Variants in PLA2G4C observed in about 807,000 individuals in gnomAD.
The protein encoded by PLA2G4C is cytosolic phospholipase A2 gamma.
A neutral mutation model predicts 73.8 loss-of-function variants in PLA2G4C; 64 were observed. The ratio of observed to expected loss-of-function variants is 0.87; its 90% CI spans 0.71 to 1.07. The LOEUF (loss-of-function observed/expected upper bound fraction) is 1.07, where lower values mean the gene tolerates loss of function less well. PLA2G4C is among the 50% of genes least tolerant of loss of function. The pLI is 0.00. For synonymous variants in PLA2G4C, 254 were observed against 252.1 expected (o/e 1.01, Z -0.07); for missense variants, 622 against 665.4 (o/e 0.93, Z 0.72).
In PLA2G4C at chr19:48,048,107, C is replaced by T. The variant is rs572255181; in HGVS notation, c.*236G>A. 2.5e-5 allele frequency: 13 copies of T among 521,374 alleles called. No homozygotes were observed. The highest frequency in any genetic ancestry group is 8.0e-5 in the African/African-American group (4 of 49,746). 32.3% of individuals were successfully genotyped at this position (521,374 alleles called of 1,614,324 possible). ...CTCATGCTCCAGCTCCAGGATCTCC[C>T]GAGGGACCTGCAGGACAAATTTCAC... On this transcript the variant is annotated 3_prime_UTR_variant, in exon 17 of 17. Transcript: ENST00000599921.
At chr19:48,101,967 C>A (rs1446611446) in intron 4 of PLA2G4C, among the ~76,000 whole-genome samples, 1 of 151,796 alleles carries the variant, frequency 6.6e-6, no homozygotes, top group East Asian at 1.9e-4. Context: ...GAGCCACTGC[C>A]CCGGGCCTCC....
chr19:48,059,270 CA>C (rs10686659), intron 14 of PLA2G4C, among the ~76,000 whole-genome samples: 99 of 139,132 alleles, frequency 7.1e-4, no homozygotes, highest in African/African-American at 1.7e-3. Flanking sequence ...GACTCTGTCT[CA>C]AAAAAAAAAA....
chr19:48,059,064 A>G (rs1208417677), intron 14 of PLA2G4C, among the ~76,000 whole-genome samples: 1 of 152,048 alleles, frequency 6.6e-6, no homozygotes, highest in Admixed American at 6.6e-5. Flanking sequence ...CAAGGTCAGG[A>G]GTTCAAGACC....
At position 48,074,019 on chromosome 19, in the gene PLA2G4C, G is replaced by A. The variant is rs189765756; in HGVS notation, c.1006+748C>T. Among the ~76,000 whole-genome samples the A allele has an allele frequency of 1.4e-4, 21 of 152,044 alleles. No individual in the cohort carries two copies. In the East Asian group the frequency reaches 2.5e-3, roughly 18 times the overall value. On this transcript the variant is annotated intron_variant, in intron 12 of 16. Coordinates refer to ENST00000599921, the MANE Select transcript of PLA2G4C (RefSeq NM_003706.3). ...AAGTTCCGGGACACATGTGCAGGAC[G>A]TGTAGATTTGTTACACAGGTAAACA... is the stretch of plus-strand genomic sequence containing the variant.
intron 14 of PLA2G4C, among the ~76,000 whole-genome samples, chr19:48,058,829 A>C (rs1196271368): frequency 6.6e-6 from 1 of 152,052 alleles, no homozygotes; most frequent in East Asian, 1.9e-4. Context: ...AAAAAAAAAA[A>C]AGATTTGACA....
chr19:48,066,986 CACAT>C (rs915314066), intron 13 of PLA2G4C, among the ~76,000 whole-genome samples: 6 of 151,522 alleles, frequency 4.0e-5, no homozygotes, highest in African/African-American at 1.5e-4. Flanking sequence ...CACACACACA[CACAT>C]ACACATACAT....
At chr19:48,098,707 T>C (rs1269033523) in intron 5 of PLA2G4C, among the ~76,000 whole-genome samples, 1 of 38,488 alleles carries the variant, frequency 2.6e-5, no homozygotes, top group Non-Finnish European at 4.8e-5. Flanking sequence ...AGCGAAACCC[T>C]ATCTCTAAAA....
chr19:48,049,137 A>C (rs778551451), intron 16 of PLA2G4C, among the ~76,000 whole-genome samples: 2 of 152,176 alleles, frequency 1.3e-5, no homozygotes, highest in Non-Finnish European at 2.9e-5. Context: ...CTACAGAACC[A>C]TGAGCCAAAT....
chr19:48,062,484 C>T (rs1221342861), intron 13 of PLA2G4C, among the ~76,000 whole-genome samples: 1 of 152,020 alleles, frequency 6.6e-6, no homozygotes, highest in African/African-American at 2.4e-5. Context: ...GTGGCGGGTG[C>T]CTGTAATCAC....
chr19:48,094,196 G>A (rs943648724), intron 7 of PLA2G4C, among the ~76,000 whole-genome samples: 1 of 152,162 alleles, frequency 6.6e-6, no homozygotes, highest in Non-Finnish European at 1.5e-5. Flanking sequence ...CCTGTCAGAA[G>A]CTCTGACCAC....
chr19:48,062,380 C>G (rs879628862), intron 13 of PLA2G4C: 6 of 394,882 alleles, frequency 1.5e-5, no homozygotes, highest in Admixed American at 1.3e-4. Context: ...GGGGCTGAGG[C>G]AGGTGGATCA....
chr19:48,094,443 C>T (rs1176153889), intron 7 of PLA2G4C, among the ~76,000 whole-genome samples: 1 of 152,144 alleles, frequency 6.6e-6, no homozygotes, highest in Non-Finnish European at 1.5e-5. Context: ...AAAGTGTATG[C>T]TAAAATCATG....
intron 14 of PLA2G4C, among the ~76,000 whole-genome samples, 192 bp from the exon 15 acceptor site, chr19:48,055,241 A>G (rs1045781861): frequency 1.3e-5 from 2 of 151,450 alleles, no homozygotes; most frequent in African/African-American, 2.4e-5. Flanking sequence ...CGCACTCCCC[A>G]GCCCACCTAG....
Position 48,048,013 on chromosome 19 carries a change from A to G in PLA2G4C, c.*330T>C. 2.9e-6 allele frequency: 1 copy of G among 348,088 alleles called. No individual in the cohort carries two copies. Among genetic ancestry groups the G allele is most frequent in the Non-Finnish European group, 5.2e-6 (1 of 193,070 alleles). 21.6% of individuals were successfully genotyped at this position (348,088 alleles called of 1,614,324 possible). On this transcript the variant is annotated 3_prime_UTR_variant, in exon 17 of 17. Coordinates refer to ENST00000599921, the MANE Select transcript of PLA2G4C (RefSeq NM_003706.3). ...CAGTCATAAAGGAGCAGTGGAAGGC[A>G]TTGGTCTGAACTATCACATTCATTC...
intron 6 of PLA2G4C, 30 bp from the exon 7 acceptor site, chr19:48,095,634 C>A (rs943318064): frequency 6.2e-7 from 1 of 1,612,036 alleles, no homozygotes; most frequent in African/African-American, 1.3e-5. Context: ...GCAAGTGAGT[C>A]CCAGCACAGA....
In PLA2G4C at chr19:48,062,033, G is replaced by A. The variant is rs975727025; in HGVS notation, c.1222C>T (p.Leu408Phe). ...TCTCCGGCACTGAAGTCGAAGGAGA[G>A]GATGAGGTGAACCTCCCGCGTCGGG... ...LPPTREVHLI[L>F]SFDFSAGDPF... The change falls in exon 14 of 17, where the codon CTC becomes TTC. Residue 408 changes from leucine (L) to phenylalanine (F), a missense_variant. Leu to Phe is a conservative substitution (Grantham distance 22). Coordinates refer to ENST00000599921, the MANE Select transcript of PLA2G4C (RefSeq NM_003706.3). 3 of 1,613,990 alleles carry A rather than the reference G, an allele frequency of 1.9e-6. No individual in the cohort carries two copies. Among genetic ancestry groups the A allele is most frequent in the East Asian group, 2.2e-5 (1 of 44,862 alleles).
chr19:48,076,359 CTGGCTACAAAAGGCCTTCTG>C (rs1180083358), intron 11 of PLA2G4C, among the ~76,000 whole-genome samples: 2 of 152,150 alleles, frequency 1.3e-5, no homozygotes, highest in Non-Finnish European at 2.9e-5. Flanking sequence ...ACTTCCAGGC[CTGGCTACAAAAGGCCTTCTG>C]TGGCACTCCA....
Position 48,110,658 on chromosome 19 carries a change from C to T in PLA2G4C, c.-204G>A. On this transcript the variant is annotated 5_prime_UTR_variant, in exon 1 of 17. Transcript: ENST00000599921. ...TCCTCGGTGCCAAAGCTTCTGTGGT[C>T]CTCCTGCTTTCCTTTTCCCCCTGTG... 3 of 463,978 alleles carry T rather than the reference C, an allele frequency of 6.5e-6. No homozygotes were observed. The highest frequency in any genetic ancestry group is 9.3e-6 in the Non-Finnish European group (3 of 321,512). 28.7% of individuals were successfully genotyped at this position (463,978 alleles called of 1,614,324 possible).
intron 8 of PLA2G4C, 90 bp from the exon 9 acceptor site, chr19:48,088,802 T>C: frequency 9.9e-7 from 1 of 1,005,496 alleles, no homozygotes; most frequent in Non-Finnish European, 1.6e-6. Context: ...TGCAGGGATA[T>C]TTCATTAATA....
Sources: allele counts gnomAD v4.1 joint callset (sites outside exome capture counted in the v4.1 genomes callset), GRCh38; gene constraint gnomAD v4.1.1; transcripts MANE v1.5; gene names NCBI Gene and HGNC (gene_info 2026-07-23, HGNC 2026-07-21).